Variants in WDR75 observed in about 807,000 individuals in gnomAD.
The protein encoded by WDR75 is WD repeat domain 75, also known as WD repeat-containing protein 75.
In WDR75, 52 loss-of-function variants were observed where a neutral mutation model predicts 106.1. The observed-to-expected ratio is 0.49, with a 90% CI of 0.39 to 0.62. The LOEUF (loss-of-function observed/expected upper bound fraction) is 0.62. WDR75 is among the 20% of genes least tolerant of loss of function. WDR75 has a pLI of 0.00. For synonymous variants in WDR75, 333 were observed against 335.5 expected, an observed-to-expected ratio of 0.99 and a Z score of 0.08; for missense variants, 905 against 970.3, an observed-to-expected ratio of 0.93 and a Z score of 0.89.
chr2:189,460,091 T>A (rs1461259927), intron 8 of WDR75, among the ~76,000 whole-genome samples: 1 of 152,228 alleles, frequency 6.6e-6, no homozygotes, highest in Non-Finnish European at 1.5e-5. Context: ...GGGAAGTACA[T>A]CTTGTCTTTG....
intron 1 of WDR75, among the ~76,000 whole-genome samples, chr2:189,446,403 T>A (rs1686500228): frequency 6.6e-6 from 1 of 152,190 alleles, no homozygotes; most frequent in Admixed American, 6.5e-5. Context: ...ACTGAAGTAC[T>A]CATGGGAATG....
chr2:189,447,550 A>G (rs1466403522), intron 1 of WDR75, among the ~76,000 whole-genome samples: 1 of 152,202 alleles, frequency 6.6e-6, no homozygotes, highest in Non-Finnish European at 1.5e-5. Context: ...TTGAAGAGTA[A>G]TAGTTGATAG....
chr2:189,450,105 A>C (rs1340392793), intron 2 of WDR75: 6 of 957,016 alleles, frequency 6.3e-6, no homozygotes, highest in Non-Finnish European at 7.5e-6. Context: ...AGAGTACAGA[A>C]TGTGAGTGTC....
intron 1 of WDR75, among the ~76,000 whole-genome samples, chr2:189,445,430 C>T (rs10200629): frequency 0.036 from 5,398 of 151,932 alleles, 115 homozygotes; most frequent in Admixed American, 0.05. Flanking sequence ...CACATTAGGA[C>T]GGGTGCTGAT....
At chr2:189,446,842 A>C (rs1438286686) in intron 1 of WDR75, among the ~76,000 whole-genome samples, 1 of 152,244 alleles carries the variant, frequency 6.6e-6, no homozygotes, top group African/African-American at 2.4e-5. Flanking sequence ...AATTATAACA[A>C]TATGTCAGCA....
intron 8 of WDR75, among the ~76,000 whole-genome samples, chr2:189,460,958 AG>A (rs201828133): frequency 0.017 from 2,567 of 152,350 alleles, 71 homozygotes; most frequent in African/African-American, 0.059. Flanking sequence ...TAAATATAAA[AG>A]AAATACAGAT....
chr2:189,467,436 A>G, intron 13 of WDR75, 32 bp from the exon 14 acceptor site: 1 of 1,554,558 alleles, frequency 6.4e-7, no homozygotes, highest in South Asian at 1.2e-5. Flanking sequence ...CATTTACACA[A>G]TTTCTGAACA....
At chr2:189,473,480 A>G (rs1008163962) in intron 18 of WDR75, among the ~76,000 whole-genome samples, 1 of 152,160 alleles carries the variant, frequency 6.6e-6, no homozygotes, top group African/African-American at 2.4e-5. Context: ...GTTCCTGCCT[A>G]AAGGATTTAG....
Position 189,468,567 on chromosome 2 carries a change from C to G in WDR75, c.1721C>G (p.Ala574Gly). The change falls in exon 15 of 21, where the codon GCA becomes GGA. Residue 574 changes from alanine (A) to glycine (G), a missense_variant and splice_region_variant. Coordinates refer to ENST00000314761, the MANE Select transcript of WDR75 (RefSeq NM_032168.3). ...ILCCWNLLSC[A>G]LEWNAKLNVR... ...TGCTGTTGGAATCTGCTGAGCTGTG[C>G]ATGTAAGATATTTTTTACTCTAAAG... 1 of 1,612,842 alleles carries G rather than the reference C, an allele frequency of 6.2e-7. No homozygotes were observed. Among genetic ancestry groups the G allele is most frequent in the Non-Finnish European group, 8.5e-7 (1 of 1,179,134 alleles).
chr2:189,444,890 T>C (rs1443830488), intron 1 of WDR75, among the ~76,000 whole-genome samples: 2 of 152,180 alleles, frequency 1.3e-5, no homozygotes, highest in African/African-American at 4.8e-5. Context: ...CTTGCTTATG[T>C]TGCTATTTTT....
chr2:189,442,564 C>T (rs1173639615), intron 1 of WDR75, among the ~76,000 whole-genome samples: 1 of 145,850 alleles, frequency 6.9e-6, no homozygotes, highest in Non-Finnish European at 1.5e-5. Context: ...AATTCTGGTG[C>T]CTCGGCCTCC....
At chr2:189,459,544 T>A (rs1686816949) in intron 8 of WDR75, 120 bp downstream of exon 8, 1 of 927,878 alleles carries the variant, frequency 1.1e-6, no homozygotes, top group Non-Finnish European at 1.7e-6. Flanking sequence ...TCCAAACACT[T>A]GTGTGTTACC....
intron 16 of WDR75, 26 bp from the exon 17 acceptor site, chr2:189,470,050 A>T (rs1423835701): frequency 6.2e-7 from 1 of 1,603,230 alleles, no homozygotes; most frequent in Admixed American, 1.7e-5. Flanking sequence ...GCAAAATGTT[A>T]TTGTTTCTTT....
At position 189,448,358 on chromosome 2, in the gene WDR75, TTTTC is replaced by T. The variant is rs1404388879; in HGVS notation, c.87-13_87-10del. The T allele has an allele frequency of 6.2e-7, 1 of 1,607,500 alleles. No homozygotes were observed. The highest frequency in any genetic ancestry group is 8.5e-7 in the Non-Finnish European group (1 of 1,177,074). On this transcript the variant is annotated splice_polypyrimidine_tract_variant and intron_variant, in intron 1 of 20. Coordinates refer to ENST00000314761, the MANE Select transcript of WDR75 (RefSeq NM_032168.3). ...GGCTAATACAGTATGTAAAACTTAC[TTTTC>T]TTTCTTTTTTTTCCAGGTATATCTT...
At chr2:189,474,592 G>A in intron 19 of WDR75, 125 bp from the exon 20 acceptor site, 3 of 935,174 alleles carry the variant, frequency 3.2e-6, no homozygotes, top group Non-Finnish European at 4.8e-6. Context: ...TTTGTATAGG[G>A]AAAGCCTTTT....
intron 12 of WDR75, among the ~76,000 whole-genome samples, chr2:189,465,698 C>T (rs990864390): frequency 6.6e-6 from 1 of 152,090 alleles, no homozygotes; most frequent in South Asian, 2.1e-4. Context: ...TTGCTGTGTG[C>T]CAAGAACTTG....
chr2:189,454,115 G>C (rs74546251), intron 4 of WDR75, among the ~76,000 whole-genome samples: 6,706 of 152,190 alleles, frequency 0.044, 184 homozygotes, highest in African/African-American at 0.065. Context: ...ATAAAGCAGG[G>C]GAGGGAAATG....
chr2:189,462,410 A>G (rs557413715), intron 8 of WDR75, 74 bp from the exon 9 acceptor site: 59 of 1,538,148 alleles, frequency 3.8e-5, no homozygotes, highest in Non-Finnish European at 5.0e-5. Flanking sequence ...CAAAAACAAA[A>G]GTGTTAATTA....
chr2:189,456,106 C>G (rs1558984031), intron 5 of WDR75, among the ~76,000 whole-genome samples: 1 of 152,134 alleles, frequency 6.6e-6, no homozygotes, highest in Non-Finnish European at 1.5e-5. Context: ...TGGCATTATT[C>G]TGAAAAGAGT....
Sources: allele counts gnomAD v4.1 joint callset (sites outside exome capture counted in the v4.1 genomes callset), GRCh38; gene constraint gnomAD v4.1.1; transcripts MANE v1.5; gene names NCBI Gene and HGNC (gene_info 2026-07-23, HGNC 2026-07-21).